Variants in MKS1 observed in about 807,000 individuals in gnomAD.
MKS1 encodes the protein MKS transition zone complex subunit 1.
A neutral mutation model predicts 83.7 loss-of-function variants in MKS1; 70 were observed. The observed-to-expected ratio is 0.84, with a 90% CI of 0.69 to 1.02. The LOEUF is 1.02. Ranked by LOEUF, MKS1 falls within the 50% of genes least tolerant of loss-of-function variation. MKS1 has a pLI of 0.00. For synonymous variants in MKS1, 251 were observed against 273.4 expected, an observed-to-expected ratio of 0.92 and a Z score of 0.81; for missense variants, 681 against 726.9, an observed-to-expected ratio of 0.94 and a Z score of 0.73.
intron 1 of MKS1, among the ~76,000 whole-genome samples, 156 bp downstream of exon 1, chr17:58,218,995 G>A (rs990277128): frequency 1.3e-5 from 2 of 152,220 alleles, no homozygotes; most frequent in African/African-American, 4.8e-5. Flanking sequence ...TAGAGGCTGT[G>A]AGTGGATGGG....
chr17:58,207,232 G>A lies in MKS1; in HGVS notation c.1274-14C>T. ...GGGTGTGTGAGCCTGCGCAAGGGAA[G>A]AGAAGACTGGGGCCAGGTCCAGAAA... On this transcript the variant is annotated splice_polypyrimidine_tract_variant and intron_variant, in intron 14 of 17. Coordinates refer to ENST00000393119, the MANE Select transcript of MKS1 (RefSeq NM_017777.4). The A allele has an allele frequency of 6.2e-7, 1 of 1,613,676 alleles. No individual in the cohort carries two copies. Among genetic ancestry groups the A allele is most frequent in the Non-Finnish European group, 8.5e-7 (1 of 1,180,030 alleles).
intron 2 of MKS1, 63 bp from the exon 3 acceptor site, chr17:58,216,799 G>A: frequency 1.3e-6 from 2 of 1,542,658 alleles, no homozygotes; most frequent in South Asian, 1.1e-5. Flanking sequence ...TTGTTCTGTG[G>A]TTTATTATAA....
At chr17:58,218,481 G>T in intron 2 of MKS1, 139 bp downstream of exon 2, 1 of 152,600 alleles carries the variant, frequency 6.6e-6, no homozygotes, top group Non-Finnish European at 1.3e-5. Context: ...AAAAAAAAAA[G>T]CCACAAATAG....
chr17:58,215,837 GCATATAAT>G (rs1969161693), intron 4 of MKS1: 2 of 496,844 alleles, frequency 4.0e-6, no homozygotes, highest in African/African-American at 3.9e-5. Context: ...CACTCTGCAA[GCATATAAT>G]CAGAGATACT....
In MKS1 at chr17:58,205,837, GC is replaced by G; in HGVS notation, c.*241del. 6.9e-7 allele frequency: 1 copy of G among 1,439,734 alleles called. No individual in the cohort carries two copies. Among genetic ancestry groups the G allele is most frequent in the Non-Finnish European group, 9.2e-7 (1 of 1,092,650 alleles). 89.2% of individuals were successfully genotyped at this position (1,439,734 alleles called of 1,614,324 possible). ...ATCAAAAAGCCTGCCTTGCTGTGAT[GC>G]CCATTGACAGTGGCTGCAAATATAA... On this transcript the variant is annotated 3_prime_UTR_variant, in exon 18 of 18. Transcript: ENST00000393119.
At position 58,218,749 on chromosome 17, in the gene MKS1, A is replaced by G. The variant is rs1188845187; in HGVS notation, c.81-20T>C. The G allele has an allele frequency of 6.3e-7, 1 of 1,582,838 alleles. No homozygotes were observed. The highest frequency in any genetic ancestry group is 1.1e-5 in the South Asian group (1 of 90,342). On this transcript the variant is annotated intron_variant, in intron 1 of 17. Coordinates refer to ENST00000393119, the MANE Select transcript of MKS1 (RefSeq NM_017777.4). The stretch of plus-strand genomic sequence containing the variant: ...TGGACTCTGTCAAGAAAAGCCCAAA[A>G]TATTCGTTACCAGACACGCAACCAG...
chr17:58,207,161 T>C lies in MKS1; in HGVS notation c.1331A>G (p.Glu444Gly). ...ACCGCCAATGAAAAACCTCCTCAGC[T>C]CAGCCACCGTGCCAAGCTCCACAGG... ...WRPVELGTVA[E>G]LRRFFIGGSL... The change falls in exon 15 of 18, where the codon GAG (glutamate) becomes GGG (glycine). Residue 444 changes from glutamate (E) to glycine (G), a missense_variant. This residue lies in a region of MKS1 where 310 missense variants were observed against 321.7 expected (regional missense o/e 0.96). Coordinates refer to ENST00000393119, the MANE Select transcript of MKS1 (RefSeq NM_017777.4). 1.2e-6 allele frequency: 2 copies of C among 1,614,070 alleles called. No homozygotes were observed. Among genetic ancestry groups the C allele is most frequent in the Non-Finnish European group, 8.5e-7 (1 of 1,179,986 alleles).
intron 2 of MKS1, among the ~76,000 whole-genome samples, chr17:58,217,006 G>A (rs1377824976): frequency 6.6e-6 from 1 of 151,994 alleles, no homozygotes; most frequent in Admixed American, 6.5e-5. Context: ...TTTTTTCTGG[G>A]GGGGATGGAG....
At chr17:58,206,768 G>A (rs184599313) in intron 15 of MKS1, 15 of 652,462 alleles carry the variant, frequency 2.3e-5, no homozygotes, top group East Asian at 1.1e-4. Context: ...GAGAAGCGGC[G>A]GTCTTATATG....
chr17:58,210,885 C>A (rs1454559502), intron 10 of MKS1, 95 bp downstream of exon 10: 2 of 1,497,676 alleles, frequency 1.3e-6, no homozygotes, highest in Non-Finnish European at 1.9e-6. Flanking sequence ...CCAAGTACAG[C>A]AGACAAGGCC....
chr17:58,211,113 G>A, intron 9 of MKS1, 91 bp from the exon 10 acceptor site: 2 of 1,317,376 alleles, frequency 1.5e-6, no homozygotes, highest in Non-Finnish European at 2.2e-6. Flanking sequence ...CAGACGACCT[G>A]CCACTAGGGG....
At chr17:58,218,814 G>T in intron 1 of MKS1, 85 bp from the exon 2 acceptor site, 1 of 1,274,268 alleles carries the variant, frequency 7.8e-7, no homozygotes. Flanking sequence ...ACAAAACAGA[G>T]GAGGTAGGGT....
At chr17:58,213,695 G>T in intron 7 of MKS1, 70 bp downstream of exon 7, 2 of 1,154,568 alleles carry the variant, frequency 1.7e-6, no homozygotes, top group South Asian at 1.2e-5. Context: ...CAGTCTAGTT[G>T]ACTAGGGACA....
rs7210297 is a variant in MKS1 at position 58,209,090 on chromosome 17, G to A, written c.1025-507C>T. On this transcript the variant is annotated intron_variant, in intron 11 of 17. Coordinates refer to ENST00000393119, the MANE Select transcript of MKS1 (RefSeq NM_017777.4). The surrounding 1 kb of genome is among the most constrained non-coding windows in gnomAD (Gnocchi z 4.1). ...TTCTACACAGACACAGTAACAATCTGATCTCTCTTTCTTTTCCCCACATTT... is the reference window on the plus strand; with the variant it reads ...TTCTACACAGACACAGTAACAATCTAATCTCTCTTTCTTTTCCCCACATTT... Among the ~76,000 whole-genome samples, 1,825 of 152,124 alleles carry A rather than the reference G, an allele frequency of 0.012. 50 individuals are homozygous for A. The highest frequency in any genetic ancestry group is 0.042 in the African/African-American group (1,734 of 41,482).
intron 14 of MKS1, 57 bp from the exon 15 acceptor site, chr17:58,207,275 C>G: frequency 5.0e-6 from 8 of 1,609,614 alleles, no homozygotes; most frequent in Non-Finnish European, 6.8e-6. Context: ...TGGCCCCTCA[C>G]TGACTCCCCA....
Position 58,218,608 on chromosome 17 carries a change from C to G in MKS1, c.190+12G>C. On this transcript the variant is annotated intron_variant, in intron 2 of 17. Transcript: ENST00000393119. ...TTAGTATTAGATGGCACATCACCAC[C>G]GTAACACCCACTGGCAGTTGGCTGA... The G allele has an allele frequency of 6.3e-7, 1 of 1,575,028 alleles. No homozygotes were observed. The highest frequency in any genetic ancestry group is 8.7e-7 in the Non-Finnish European group (1 of 1,144,708).
chr17:58,219,028 G>T, intron 1 of MKS1, 123 bp downstream of exon 1: 1 of 1,367,642 alleles, frequency 7.3e-7, no homozygotes, highest in Non-Finnish European at 9.9e-7. Context: ...GAAAGAAGTG[G>T]GGAGCCCGGA....
chr17:58,206,267 G>C lies in MKS1; in HGVS notation c.1588+16C>G, dbSNP rs769492248. 1.9e-5 allele frequency: 30 copies of C among 1,613,858 alleles called. No individual in the cohort carries two copies. The highest frequency in any genetic ancestry group is 9.3e-5 in the African/African-American group (7 of 74,910). Reference sequence around the variant, plus strand: ...CCATGCTGACCTGGGGTGGCCAGCTGGGGGAGGGGACATACCTAGCACATT... The same window carrying C: ...CCATGCTGACCTGGGGTGGCCAGCTCGGGGAGGGGACATACCTAGCACATT... On this transcript the variant is annotated intron_variant, in intron 17 of 17. Transcript: ENST00000393119.
intron 7 of MKS1, among the ~76,000 whole-genome samples, 185 bp from the exon 8 acceptor site, chr17:58,213,275 AGACT>A (rs1968993596): frequency 6.6e-6 from 1 of 152,234 alleles, no homozygotes; most frequent in Non-Finnish European, 1.5e-5. Context: ...GCACCAGACT[AGACT>A]CAGAAAGTAT....
Sources: gnomAD v4.1 joint callset for allele counts (sites outside exome capture counted in the v4.1 genomes callset) on GRCh38, gnomAD v4.1.1 for gene constraint, gnomAD v4.1.1 regional missense constraint, Gnocchi (gnomAD v3.1) non-coding constraint, MANE v1.5 for transcripts, NCBI Gene and HGNC (gene_info 2026-07-23, HGNC 2026-07-21) for gene names.